The following AOPEP variants were observed in gnomAD, a reference collection of about 807,000 sequenced individuals.
AOPEP encodes the protein aminopeptidase O (putative), also known as aminopeptidase O.
Under a neutral mutation model 98.1 loss-of-function variants are expected in AOPEP, and 77 were observed. That is an observed-to-expected ratio of 0.78 (90% CI 0.65 to 0.95). AOPEP has a LOEUF of 0.95. AOPEP is among the 40% of genes least tolerant of loss of function. AOPEP has a pLI of 0.00. For synonymous variants in AOPEP, 346 were observed against 365.3 expected (o/e 0.95, Z 0.60); for missense variants, 1,024 against 1,024.7 (o/e 1.00, Z 0.01).
chr9:94,906,971 C>T (rs1588826222), intron 5 of AOPEP, among the ~76,000 whole-genome samples: 1 of 152,172 alleles, frequency 6.6e-6, no homozygotes, highest in African/African-American at 2.4e-5. Flanking sequence ...CCAGCTGATA[C>T]TAGAAAGGAG....
chr9:94,731,251 G>A (rs1029578269), intron 1 of AOPEP, among the ~76,000 whole-genome samples: 13 of 149,890 alleles, frequency 8.7e-5, no homozygotes, highest in Middle Eastern at 3.4e-3. Context: ...TTTTTGAGAC[G>A]GAGTCTCGCT....
At chr9:94,974,439 A>G (rs780760847) in intron 10 of AOPEP, among the ~76,000 whole-genome samples, 8 of 152,224 alleles carry the variant, frequency 5.3e-5, no homozygotes, top group Non-Finnish European at 1.0e-4. Flanking sequence ...ATTATGAGAA[A>G]TGAGTAATGG....
At chr9:94,872,324 C>T (rs2046440439) in intron 5 of AOPEP, among the ~76,000 whole-genome samples, 1 of 152,050 alleles carries the variant, frequency 6.6e-6, no homozygotes, top group Non-Finnish European at 1.5e-5. Context: ...TCTGTCTAAC[C>T]CCTCATTTTA....
chr9:95,096,336 T>C, the AOPEP span, among the ~76,000 whole-genome samples: 1 of 151,642 alleles, frequency 6.6e-6, no homozygotes, highest in South Asian at 2.1e-4. Context: ...GGGCTGGATG[T>C]GGAGGTGGGA....
intron 2 of AOPEP, among the ~76,000 whole-genome samples, chr9:94,764,009 C>G (rs1273700186): frequency 6.6e-6 from 1 of 152,138 alleles, no homozygotes; most frequent in African/African-American, 2.4e-5. Flanking sequence ...GTCAGTGACT[C>G]CCTGCCGAAG....
At chr9:95,142,898 C>T in the AOPEP span, among the ~76,000 whole-genome samples, 1 of 152,292 alleles carries the variant, frequency 6.6e-6, no homozygotes, top group African/African-American at 2.4e-5. Flanking sequence ...ATGCTCCCAA[C>T]TCTCTAGACA....
chr9:94,760,888 G>A (rs1317313264), intron 2 of AOPEP, among the ~76,000 whole-genome samples: 2 of 152,162 alleles, frequency 1.3e-5, no homozygotes, highest in East Asian at 3.8e-4. Flanking sequence ...ATCTCTGCTG[G>A]TGACTTGGAG....
At chr9:94,948,161 A>G (rs1174921522) in intron 7 of AOPEP, among the ~76,000 whole-genome samples, 1 of 152,030 alleles carries the variant, frequency 6.6e-6, no homozygotes, top group East Asian at 1.9e-4. Flanking sequence ...AACCAGGTAG[A>G]CTCCCAACTA....
intron 5 of AOPEP, among the ~76,000 whole-genome samples, chr9:94,854,259 T>C (rs1270313296): frequency 3.3e-5 from 5 of 152,154 alleles, no homozygotes; most frequent in Admixed American, 3.3e-4. Context: ...ATTGTGAAAA[T>C]GTGACAATTT....
chr9:95,019,333 TAGGTGGTGGTC>T (rs1240965458), intron 13 of AOPEP: 2 of 152,238 alleles, frequency 1.3e-5, no homozygotes, highest in Non-Finnish European at 2.9e-5. Context: ...GGAAGCTCCC[TAGGTGGTGGTC>T]AGGCTGTTGA....
At chr9:95,075,589 G>GA (rs1461168792) in intron 14 of AOPEP, among the ~76,000 whole-genome samples, 1 of 152,278 alleles carries the variant, frequency 6.6e-6, no homozygotes, top group Non-Finnish European at 1.5e-5. Context: ...TTATGCACAT[G>GA]AAAAAAATGC....
intron 11 of AOPEP, among the ~76,000 whole-genome samples, chr9:94,984,182 G>A (rs889284723): frequency 2.0e-5 from 3 of 151,620 alleles, no homozygotes; most frequent in African/African-American, 4.9e-5. Flanking sequence ...ACAGGCGCCC[G>A]CCACCACGCC....
At chr9:94,773,560 T>C (rs1266281764) in intron 3 of AOPEP, among the ~76,000 whole-genome samples, 1 of 152,196 alleles carries the variant, frequency 6.6e-6, no homozygotes, top group Non-Finnish European at 1.5e-5. Context: ...TGTTAAGAGA[T>C]AGTGCTCTTG....
chr9:94,903,822 A>G (rs2050751853), intron 5 of AOPEP, among the ~76,000 whole-genome samples: 1 of 148,288 alleles, frequency 6.7e-6, no homozygotes, highest in Non-Finnish European at 1.5e-5. Flanking sequence ...TGAACTCAGG[A>G]GAAGGAGGTT....
At chr9:94,766,127 G>A (rs900319730) in intron 2 of AOPEP, among the ~76,000 whole-genome samples, 51 of 152,118 alleles carry the variant, frequency 3.4e-4, no homozygotes, top group African/African-American at 1.1e-3. Flanking sequence ...CTAGATCTTT[G>A]GTATACGTAA....
intron 5 of AOPEP, among the ~76,000 whole-genome samples, chr9:94,916,507 A>G (rs2052817199): frequency 6.6e-6 from 1 of 152,104 alleles, no homozygotes. Context: ...ATTCAAGACC[A>G]TCCTGGCCAA....
rs1434234453 is a variant in AOPEP at position 94,760,571 on chromosome 9, A to G, written c.788A>G (p.Gln263Arg). 1 of 1,538,238 alleles carries G rather than the reference A, an allele frequency of 6.5e-7. No individual in the cohort carries two copies. The highest frequency in any genetic ancestry group is 1.3e-5 in the South Asian group (1 of 77,086). Residue 263 changes from glutamine to arginine, a missense_variant, in exon 2 of 17, where the codon CAG (glutamine) becomes CGG (arginine). This residue lies in a region of AOPEP where 440 missense variants were observed against 433.8 expected (regional missense o/e 1.01). Transcript: ENST00000375315. ...CGATCGGTTACATGGACCTCAGACC[A>G]GAGTGGCAGGTAGGTTATCCAAGCA... ...EGRSVTWTSD[Q>R]SGRPCVYTVG...
At chr9:95,074,215 G>A (rs529802612) in intron 14 of AOPEP, among the ~76,000 whole-genome samples, 8 of 152,174 alleles carry the variant, frequency 5.3e-5, no homozygotes, top group South Asian at 2.1e-4. Flanking sequence ...GACATACCCC[G>A]TCCTCCCTGT....
intron 3 of AOPEP, among the ~76,000 whole-genome samples, chr9:94,774,784 C>A (rs1290988622): frequency 1.3e-5 from 2 of 152,142 alleles, no homozygotes; most frequent in Non-Finnish European, 2.9e-5. Context: ...ATAATGTTTT[C>A]CAGAAAGGCT....
Sources: allele counts gnomAD v4.1 joint callset (sites outside exome capture counted in the v4.1 genomes callset), GRCh38; gene constraint gnomAD v4.1.1; regional missense constraint gnomAD v4.1.1; transcripts MANE v1.5; gene names NCBI Gene and HGNC (gene_info 2026-07-23, HGNC 2026-07-21).